The following CAMTA1 variants were observed in gnomAD, a reference collection of about 807,000 sequenced individuals.
The protein encoded by CAMTA1 is calmodulin-binding transcription activator 1.
CAMTA1 carries 27 observed loss-of-function variants against 170.9 expected under a neutral mutation model. The ratio of observed to expected loss-of-function variants is 0.16; its 90% CI spans 0.12 to 0.22. The LOEUF is 0.22. CAMTA1 is among the 10% of genes least tolerant of loss of function. The pLI, the probability that CAMTA1 is intolerant of heterozygous loss-of-function variation, is 1.00. For synonymous variants in CAMTA1, 833 were observed against 891.5 expected, an observed-to-expected ratio of 0.93 and a Z score of 1.17; for missense variants, 1,619 against 2,217.2, an observed-to-expected ratio of 0.73 and a Z score of 5.42.
At chr1:6,855,384 G>T (rs1221719331) in intron 3 of CAMTA1, among the ~76,000 whole-genome samples, 1 of 151,556 alleles carries the variant, frequency 6.6e-6, no homozygotes, top group African/African-American at 2.4e-5. Context: ...CTTGGATTCT[G>T]GGGGAGGCCT....
rs564208845 is a variant in CAMTA1, at chr1:7,285,435, T to C, written c.438+35809T>C. On this transcript the variant is annotated intron_variant, in intron 5 of 22. Coordinates refer to ENST00000303635, the MANE Select transcript of CAMTA1 (RefSeq NM_015215.4). ...CCATGGGGCTGCCTCTATGGGAACA[T>C]TGTAGCCCATGGCACTATTCACTTG... Among the ~76,000 whole-genome samples the C allele has an allele frequency of 4.6e-5, 7 of 152,246 alleles. No homozygotes were observed. In the East Asian group the frequency reaches 1.4e-3, roughly 29 times the overall value.
At chr1:7,620,979 G>A (rs936832897) in intron 6 of CAMTA1, among the ~76,000 whole-genome samples, 7 of 152,182 alleles carry the variant, frequency 4.6e-5, no homozygotes, top group African/African-American at 1.4e-4. Flanking sequence ...GGATGCATGG[G>A]GCCAGAGCAG....
At chr1:7,053,913 C>T (rs1039167914) in intron 3 of CAMTA1, among the ~76,000 whole-genome samples, 1 of 152,184 alleles carries the variant, frequency 6.6e-6, no homozygotes, top group African/African-American at 2.4e-5. Flanking sequence ...AAGCAGTATC[C>T]CTGGCGCTGT....
chr1:7,730,052 C>T (rs896485441), intron 11 of CAMTA1, among the ~76,000 whole-genome samples: 5 of 152,184 alleles, frequency 3.3e-5, no homozygotes, highest in African/African-American at 1.2e-4. Flanking sequence ...ACATTGACTT[C>T]ATTTGTCTAA....
intron 11 of CAMTA1, chr1:7,700,721 C>A (rs2096430592): frequency 6.6e-6 from 1 of 152,190 alleles, no homozygotes; most frequent in Non-Finnish European, 1.5e-5. Flanking sequence ...TAATACACAT[C>A]AGATTTATTC....
chr1:6,938,221 A>G (rs1172529788), intron 3 of CAMTA1, among the ~76,000 whole-genome samples: 1 of 152,222 alleles, frequency 6.6e-6, no homozygotes, highest in East Asian at 1.9e-4. Context: ...GGATGCAATA[A>G]TTTTGAGTTT....
At chr1:7,472,763 A>G (rs989346444) in intron 6 of CAMTA1, among the ~76,000 whole-genome samples, 3 of 152,146 alleles carry the variant, frequency 2.0e-5, no homozygotes, top group African/African-American at 7.2e-5. Flanking sequence ...CACCCCCTAG[A>G]GCAGGCACCG....
At chr1:6,931,323 A>C (rs993557937) in intron 3 of CAMTA1, among the ~76,000 whole-genome samples, 3 of 152,174 alleles carry the variant, frequency 2.0e-5, no homozygotes, top group African/African-American at 7.2e-5. Context: ...GAAAGGAAAA[A>C]CAGGAAGGTG....
chr1:6,809,813 G>A (rs1644962882), intron 1 of CAMTA1, among the ~76,000 whole-genome samples: 1 of 152,068 alleles, frequency 6.6e-6, no homozygotes, highest in African/African-American at 2.4e-5. Flanking sequence ...GAGTGTGGAG[G>A]GTTGAAAGGA....
At chr1:7,475,203 C>A (rs1173461164) in intron 6 of CAMTA1, among the ~76,000 whole-genome samples, 2 of 152,184 alleles carry the variant, frequency 1.3e-5, no homozygotes, top group Admixed American at 6.5e-5. Context: ...TGCTCAGCAA[C>A]CATTTTTATG....
intron 4 of CAMTA1, among the ~76,000 whole-genome samples, chr1:7,123,683 C>G (rs1644773331): frequency 6.6e-6 from 1 of 152,242 alleles, no homozygotes; most frequent in East Asian, 1.9e-4. Flanking sequence ...ACTGCCCTCA[C>G]TCCCGATTCC....
At chr1:7,544,160 C>T (rs1020041930) in intron 6 of CAMTA1, among the ~76,000 whole-genome samples, 1 of 152,084 alleles carries the variant, frequency 6.6e-6, no homozygotes, top group East Asian at 1.9e-4. Context: ...GCTGGGGAGG[C>T]CTCAGAATCA....
chr1:6,861,669 C>G (rs1664744287), intron 3 of CAMTA1, among the ~76,000 whole-genome samples: 1 of 152,150 alleles, frequency 6.6e-6, no homozygotes, highest in African/African-American at 2.4e-5. Context: ...CATGACACGT[C>G]ATTGTAGCTT....
chr1:7,657,950 G>A (rs917578400), intron 7 of CAMTA1, among the ~76,000 whole-genome samples: 6 of 152,194 alleles, frequency 3.9e-5, no homozygotes, highest in African/African-American at 7.2e-5. Flanking sequence ...TGCGGCTGCC[G>A]CACCCCCATC....
At chr1:7,266,348 C>T (rs897570994) in intron 5 of CAMTA1, among the ~76,000 whole-genome samples, 3 of 152,228 alleles carry the variant, frequency 2.0e-5, no homozygotes, top group Non-Finnish European at 4.4e-5. Context: ...ACTGTGGGTC[C>T]ACCACAGGGA....
At chr1:7,217,478 A>T (rs897685124) in intron 4 of CAMTA1, among the ~76,000 whole-genome samples, 10 of 152,124 alleles carry the variant, frequency 6.6e-5, no homozygotes, top group South Asian at 6.2e-4. Flanking sequence ...CAAATTGAAA[A>T]TTTTTTTATT....
At chr1:7,367,437 G>GTGGT (rs1303305187) in intron 5 of CAMTA1, among the ~76,000 whole-genome samples, 2 of 152,254 alleles carry the variant, frequency 1.3e-5, no homozygotes, top group Non-Finnish European at 2.9e-5. Flanking sequence ...ACACATTAGG[G>GTGGT]TGGTTGCACA....
intron 4 of CAMTA1, among the ~76,000 whole-genome samples, chr1:7,200,837 G>C (rs1007688117): frequency 2.0e-5 from 3 of 152,034 alleles, no homozygotes; most frequent in Admixed American, 2.0e-4. Context: ...TGGTACTTGG[G>C]GACTGTGTGA....
intron 6 of CAMTA1, among the ~76,000 whole-genome samples, chr1:7,496,881 G>A (rs1017262456): frequency 4.6e-5 from 7 of 151,446 alleles, no homozygotes; most frequent in African/African-American, 7.3e-5. Flanking sequence ...GTCAGCAAGC[G>A]CAACCTCAGG....
Sources: allele counts gnomAD v4.1 joint callset (sites outside exome capture counted in the v4.1 genomes callset), GRCh38; gene constraint gnomAD v4.1.1; transcripts MANE v1.5; gene names NCBI Gene and HGNC (gene_info 2026-07-23, HGNC 2026-07-21).